GLIS3: variants seen among roughly 807,000 people sequenced by gnomAD.
GLIS3 encodes zinc finger protein GLIS3.
In GLIS3, 53 loss-of-function variants were observed where a neutral mutation model predicts 78.6. That is an observed-to-expected ratio of 0.67 (90% CI 0.54 to 0.85). The LOEUF is 0.85. Among genes scored for constraint, GLIS3 ranks in the 40% least tolerant of loss-of-function variants. The probability of loss-of-function intolerance (pLI) is 0.00; values close to 1 mark genes in which losing one functional copy is unlikely to be tolerated. For missense variants in GLIS3, 1,703 were observed against 1,231.1 expected, an observed-to-expected ratio of 1.38 and a Z score of -5.74; for synonymous variants, 684 against 509.9, an observed-to-expected ratio of 1.34 and a Z score of -4.60.
chr9:3,883,479 G>A (rs1159603952), intron 7 of GLIS3, among the ~76,000 whole-genome samples: 1 of 152,158 alleles, frequency 6.6e-6, no homozygotes, highest in Non-Finnish European at 1.5e-5. Flanking sequence ...CCACCTTAGA[G>A]TAAAACTGTA....
At chr9:3,853,511 G>A (rs1819569069) in intron 9 of GLIS3, among the ~76,000 whole-genome samples, 1 of 152,126 alleles carries the variant, frequency 6.6e-6, no homozygotes, top group South Asian at 2.1e-4. Flanking sequence ...TTTTAAAAAA[G>A]AAGGGAATAG....
chr9:4,265,897 G>GTTTTTTTTT (rs148160187), intron 2 of GLIS3, among the ~76,000 whole-genome samples: 2 of 120,694 alleles, frequency 1.7e-5, no homozygotes, highest in Admixed American at 1.7e-4. Flanking sequence ...ACTCACCCTG[G>GTTTTTTTTT]TTTTTTTTTT....
At chr9:4,187,776 C>G (rs1050373521) in intron 2 of GLIS3, among the ~76,000 whole-genome samples, 3 of 152,072 alleles carry the variant, frequency 2.0e-5, no homozygotes, top group Non-Finnish European at 4.4e-5. Flanking sequence ...TGGGAGTTCA[C>G]TCATGATTTG....
At chr9:4,026,960 C>A (rs10118607) in intron 4 of GLIS3, among the ~76,000 whole-genome samples, 5,021 of 152,240 alleles carry the variant, frequency 0.033, 206 homozygotes, top group African/African-American at 0.097. Flanking sequence ...CTAAGACTGT[C>A]TGACACTAAA....
chr9:3,966,568 G>T (rs1052383825), intron 4 of GLIS3, among the ~76,000 whole-genome samples: 1 of 152,038 alleles, frequency 6.6e-6, no homozygotes, highest in African/African-American at 2.4e-5. Flanking sequence ...GGCTGAGGCA[G>T]GCCAATCACC....
intron 4 of GLIS3, among the ~76,000 whole-genome samples, chr9:3,967,074 T>C (rs1357631826): frequency 6.7e-6 from 1 of 150,042 alleles, no homozygotes; most frequent in Non-Finnish European, 1.5e-5. Flanking sequence ...GGTACATGAT[T>C]GATACTGTAC....
At chr9:4,199,532 C>T (rs982634035) in intron 2 of GLIS3, among the ~76,000 whole-genome samples, 1 of 149,186 alleles carries the variant, frequency 6.7e-6, no homozygotes, top group Non-Finnish European at 1.5e-5. Context: ...CAGACTTTTC[C>T]AACAAGAGCA....
chr9:4,130,759 G>A (rs1240148630), intron 2 of GLIS3, among the ~76,000 whole-genome samples: 1 of 152,218 alleles, frequency 6.6e-6, no homozygotes, highest in African/African-American at 2.4e-5. Flanking sequence ...GAGGTGAAAT[G>A]TGGGGTTGGA....
chr9:4,064,782 T>C (rs1369165643), intron 4 of GLIS3, among the ~76,000 whole-genome samples: 1 of 152,302 alleles, frequency 6.6e-6, no homozygotes, highest in East Asian at 1.9e-4. Flanking sequence ...TTAAATCTTA[T>C]TTCATTTCCA....
intron 7 of GLIS3, among the ~76,000 whole-genome samples, chr9:3,892,284 C>G (rs1217346609): frequency 6.6e-6 from 1 of 152,122 alleles, no homozygotes; most frequent in East Asian, 1.9e-4. Flanking sequence ...GGTAGAAAAA[C>G]TAAGACTCCA....
intron 1 of GLIS3, 164 bp downstream of exon 1, chr9:4,299,257 A>G (rs72690084): frequency 0.039 from 6,002 of 152,256 alleles, 177 homozygotes; most frequent in Non-Finnish European, 0.063. Flanking sequence ...CCGGGAGTTG[A>G]GGTGCGCGTA....
At chr9:4,488,935 C>T in the GLIS3 span, among the ~76,000 whole-genome samples, 1 of 151,928 alleles carries the variant, frequency 6.6e-6, no homozygotes, top group South Asian at 2.1e-4. Flanking sequence ...GGCTTGATCT[C>T]AGCTTACTGC....
intron 2 of GLIS3, among the ~76,000 whole-genome samples, chr9:4,325,699 G>A (rs184739919): frequency 6.6e-6 from 1 of 151,798 alleles, no homozygotes; most frequent in Non-Finnish European, 1.5e-5. Context: ...TCTTTTTTTT[G>A]AGATAAATAT....
intron 2 of GLIS3, among the ~76,000 whole-genome samples, chr9:4,241,021 G>A (rs1347241538): frequency 2.6e-5 from 4 of 151,918 alleles, no homozygotes; most frequent in African/African-American, 4.8e-5. Context: ...GAATCTTAAC[G>A]TGCATTTATT....
intron 2 of GLIS3, among the ~76,000 whole-genome samples, chr9:4,311,184 G>A (rs946999284): frequency 2.0e-5 from 3 of 152,200 alleles, no homozygotes; most frequent in Non-Finnish European, 4.4e-5. Context: ...TGAGGCAGGC[G>A]GATCACTTGA....
At position 4,213,452 on chromosome 9, in the gene GLIS3, G is replaced by A. The variant is rs377140553; in HGVS notation, c.388+72586C>T. On this transcript the variant is annotated intron_variant, in intron 2 of 10. Coordinates refer to ENST00000381971, the MANE Select transcript of GLIS3 (RefSeq NM_001042413.2). Reference sequence around the variant, plus strand: ...GTCACTAAACAAGGACTGTCCAGTAGAACTTCTGATGATGATGGAAATGTT... The same window carrying A: ...GTCACTAAACAAGGACTGTCCAGTAAAACTTCTGATGATGATGGAAATGTT... Among the ~76,000 whole-genome samples, 5 of 152,314 alleles carry A rather than the reference G, an allele frequency of 3.3e-5. No individual in the cohort carries two copies. In the South Asian group the frequency reaches 8.3e-4, roughly 25 times the overall value.
At chr9:4,403,073 A>G in the GLIS3 span, among the ~76,000 whole-genome samples, 3 of 152,236 alleles carry the variant, frequency 2.0e-5, no homozygotes, top group Non-Finnish European at 4.4e-5. Context: ...AAGCAGCAAG[A>G]GAAAAGACAC....
At chr9:4,415,547 G>C in the GLIS3 span, among the ~76,000 whole-genome samples, 8 of 152,246 alleles carry the variant, frequency 5.3e-5, no homozygotes, top group East Asian at 5.8e-4. Context: ...AGCTGGTCTT[G>C]TTCTCGGCCA....
At chr9:4,442,810 T>A in the GLIS3 span, among the ~76,000 whole-genome samples, 1 of 151,906 alleles carries the variant, frequency 6.6e-6, no homozygotes, top group Admixed American at 6.6e-5. Flanking sequence ...TTTGTTTTCA[T>A]TTTTTTTCTC....
Sources: gnomAD v4.1 joint callset for allele counts (sites outside exome capture counted in the v4.1 genomes callset) on GRCh38, gnomAD v4.1.1 for gene constraint, MANE v1.5 for transcripts, NCBI Gene and HGNC (gene_info 2026-07-23, HGNC 2026-07-21) for gene names.